TIAM2: variants seen among roughly 807,000 people sequenced by gnomAD.
TIAM2 encodes the protein rho guanine nucleotide exchange factor TIAM2.
In TIAM2, 80 loss-of-function variants were observed where a neutral mutation model predicts 152.9. The observed-to-expected ratio is 0.52, with a 90% confidence interval of 0.44 to 0.63. TIAM2 has a LOEUF of 0.63. Among genes scored for constraint, TIAM2 ranks in the 30% least tolerant of loss-of-function variants. TIAM2 has a pLI of 0.00. For missense variants in TIAM2, 1,965 were observed against 2,120.1 expected, an observed-to-expected ratio of 0.93 and a Z score of 1.44; for synonymous variants, 804 against 838.0, an observed-to-expected ratio of 0.96 and a Z score of 0.70.
In TIAM2 at chr6:155,165,265, A is replaced by T; in HGVS notation, c.2217A>T (p.Val739=). The change falls in exon 9 of 27, where the codon GTA becomes GTT. Residue 739 remains valine (V), a splice_region_variant and synonymous_variant. Coordinates refer to ENST00000682666, the MANE Select transcript of TIAM2 (RefSeq NM_012454.4). ...ILSVSSFHAL[V]CSRDDSALRK... is the part of the protein sequence containing the mutation. ...TTTTAAACTGTGTTTTACATTAGGT[A>T]TGTTCTAGAGATGACTCTGCTCTCC... is the stretch of plus-strand genomic sequence containing the variant. 9 of 1,606,158 alleles carry T rather than the reference A, an allele frequency of 5.6e-6. No homozygotes were observed. Among genetic ancestry groups the T allele is most frequent in the Non-Finnish European group, 7.6e-6 (9 of 1,178,074 alleles).
At position 155,017,343 on chromosome 6, in the gene TIAM2, C is replaced by A. The variant is rs984228201; in HGVS notation, c.-209+21851C>A. Among the ~76,000 whole-genome samples the A allele has an allele frequency of 2.6e-5, 4 of 152,126 alleles. No individual in the cohort carries two copies. In the South Asian group the frequency reaches 8.3e-4, roughly 32 times the overall value. ...GCTGGTAGAGGGAGACACATTGTCT[C>A]AGAAGGACCCCTGTGAAAGGGGCTG... On this transcript the variant is annotated intron_variant, in intron 1 of 26. Coordinates refer to ENST00000682666, the MANE Select transcript of TIAM2 (RefSeq NM_012454.4).
In TIAM2 at chr6:155,015,154, C is replaced by T. The variant is rs150838460; in HGVS notation, c.-209+19662C>T. ...GATAAGAAAGAGGAGAGAGAACCGT[C>T]CAGATGAGGCAGCTGGCTGGATATG... On this transcript the variant is annotated intron_variant, in intron 1 of 26. Coordinates refer to ENST00000682666, the MANE Select transcript of TIAM2 (RefSeq NM_012454.4). 2.0e-5 allele frequency among the ~76,000 whole-genome samples: 3 copies of T among 151,984 alleles called. No homozygotes were observed. In the East Asian group the frequency reaches 5.8e-4, roughly 29 times the overall value.
At chr6:155,171,087 A>G (rs1780575136) in intron 9 of TIAM2, among the ~76,000 whole-genome samples, 1 of 152,192 alleles carries the variant, frequency 6.6e-6, no homozygotes, top group Admixed American at 6.5e-5. Flanking sequence ...ACCTATTTTT[A>G]TACAATAAGT....
intron 1 of TIAM2, among the ~76,000 whole-genome samples, chr6:155,062,861 C>T (rs886383216): frequency 6.6e-6 from 1 of 152,150 alleles, no homozygotes; most frequent in African/African-American, 2.4e-5. Flanking sequence ...AGGCGTGAGC[C>T]ACCATGCCTG....
intron 8 of TIAM2, 50 bp from the exon 9 acceptor site, chr6:155,165,213 C>T (rs775575949): frequency 6.5e-7 from 1 of 1,537,144 alleles, no homozygotes. Context: ...TTTTTTCTGC[C>T]ACTCAAATAC....
chr6:155,215,682 A>G (rs1254251591), intron 15 of TIAM2, among the ~76,000 whole-genome samples: 4 of 151,338 alleles, frequency 2.6e-5, no homozygotes, highest in Non-Finnish European at 4.4e-5. Context: ...TTTAAGGATC[A>G]CATTTTTTTT....
chr6:155,081,538 G>A (rs905738149), intron 1 of TIAM2, among the ~76,000 whole-genome samples: 1 of 152,120 alleles, frequency 6.6e-6, no homozygotes, highest in African/African-American at 2.4e-5. Flanking sequence ...CTGAGATAAA[G>A]CTAGGAGTCC....
At chr6:155,122,534 T>G (rs1242884216) in intron 2 of TIAM2, among the ~76,000 whole-genome samples, 3 of 152,024 alleles carry the variant, frequency 2.0e-5, no homozygotes, top group Non-Finnish European at 2.9e-5. Context: ...ATTTTTTTTT[T>G]TTGTTCTAGG....
chr6:155,217,324 G>A (rs964252953), intron 15 of TIAM2, among the ~76,000 whole-genome samples: 6 of 152,198 alleles, frequency 3.9e-5, no homozygotes, highest in African/African-American at 1.4e-4. Flanking sequence ...GTTCTGTGGC[G>A]CTGTCACTGT....
chr6:155,223,687 A>G (rs1275743816), intron 15 of TIAM2, among the ~76,000 whole-genome samples: 2 of 151,990 alleles, frequency 1.3e-5, no homozygotes, highest in Non-Finnish European at 2.9e-5. Context: ...GAATTTTAAC[A>G]TTTTGATCCC....
chr6:155,134,613 C>T (rs945125), intron 4 of TIAM2, among the ~76,000 whole-genome samples: 150,732 of 152,280 alleles, frequency 0.99, 74,603 homozygotes, highest in East Asian at 1. Flanking sequence ...TGTTTTTGGG[C>T]GATGAGTCAG....
intron 5 of TIAM2, among the ~76,000 whole-genome samples, chr6:155,138,831 A>G (rs956470700): frequency 3.3e-5 from 5 of 152,002 alleles, no homozygotes; most frequent in African/African-American, 1.2e-4. Flanking sequence ...AATCCAGTCT[A>G]TCATTGATGG....
At chr6:155,207,356 G>C (rs1185767614) in intron 14 of TIAM2, among the ~76,000 whole-genome samples, 2 of 152,246 alleles carry the variant, frequency 1.3e-5, no homozygotes, top group East Asian at 1.9e-4. Context: ...GGCTCCCAGA[G>C]CTGGGGATGG....
chr6:155,031,381 TA>T (rs1228257906), intron 1 of TIAM2, among the ~76,000 whole-genome samples: 1 of 152,224 alleles, frequency 6.6e-6, no homozygotes, highest in Non-Finnish European at 1.5e-5. Context: ...TTATCTGTAA[TA>T]TTTTTTAGTA....
At chr6:155,016,277 A>G (rs1778578570) in intron 1 of TIAM2, 1 of 152,232 alleles carries the variant, frequency 6.6e-6, no homozygotes, top group African/African-American at 2.4e-5. Context: ...TGCTTTCGAC[A>G]GAGGAACAGT....
intron 26 of TIAM2, chr6:155,255,345 T>C (rs1011790800): frequency 2.8e-4 from 43 of 152,142 alleles, no homozygotes; most frequent in Admixed American, 2.8e-3. Flanking sequence ...CACGTTGTTC[T>C]TTCTGCTTGT....
chr6:155,146,826 C>A (rs1359673499), intron 6 of TIAM2, among the ~76,000 whole-genome samples: 1 of 146,150 alleles, frequency 6.8e-6, no homozygotes, highest in Non-Finnish European at 1.5e-5. Flanking sequence ...ACTATGTTGG[C>A]CAGGCTGGTT....
chr6:155,071,716 GA>G (rs1777841682), intron 1 of TIAM2, among the ~76,000 whole-genome samples: 1 of 152,094 alleles, frequency 6.6e-6, no homozygotes, highest in South Asian at 2.1e-4. Flanking sequence ...CCAACATGGT[GA>G]AACCCCATCT....
intron 14 of TIAM2, among the ~76,000 whole-genome samples, chr6:155,202,404 C>G (rs1328739242): frequency 2.0e-5 from 3 of 152,092 alleles, no homozygotes; most frequent in African/African-American, 7.2e-5. Context: ...ACAAAGTTTA[C>G]AAATTTAAAT....
Sources: allele counts gnomAD v4.1 joint callset (sites outside exome capture counted in the v4.1 genomes callset), GRCh38; gene constraint gnomAD v4.1.1; transcripts MANE v1.5; gene names NCBI Gene and HGNC (gene_info 2026-07-23, HGNC 2026-07-21).